Variants in ADGRB1 observed in about 807,000 individuals in gnomAD.
ADGRB1 encodes the protein brain-specific angiogenesis inhibitor 1.
ADGRB1 carries 36 observed loss-of-function variants against 175.7 expected under a neutral mutation model. That is an observed-to-expected ratio of 0.20 (90% CI 0.16 to 0.27). ADGRB1 has a LOEUF of 0.27. Among genes scored for constraint, ADGRB1 ranks in the 10% least tolerant of loss-of-function variants. The pLI is 1.00. For synonymous variants in ADGRB1, 1,054 were observed against 979.4 expected (o/e 1.08, Z -1.42); for missense variants, 1,731 against 2,255.3 (o/e 0.77, Z 4.71).
Position 142,477,474 on chromosome 8 carries a change from C to T in ADGRB1, c.1312C>T (p.Pro438Ser). 1.9e-6 allele frequency: 3 copies of T among 1,612,704 alleles called. No homozygotes were observed. The highest frequency in any genetic ancestry group is 2.5e-6 in the Non-Finnish European group (3 of 1,179,784). ...GFRDRTRTCR[P>S]PQFGGNPCEG... ...TCGGGATCGCACGCGCACCTGCAGG[C>T]CCCCCCAGTTTGGGGGCAACCCCTG... Residue 438 changes from proline to serine, a missense_variant, in exon 6 of 31, where the codon CCC becomes TCC. Coordinates refer to ENST00000517894, the MANE Select transcript of ADGRB1 (RefSeq NM_001702.3).
intron 13 of ADGRB1, among the ~76,000 whole-genome samples, chr8:142,487,480 G>A (rs1841730446): frequency 1.3e-5 from 2 of 152,094 alleles, no homozygotes; most frequent in Admixed American, 6.5e-5. Flanking sequence ...CCCTGTTCTC[G>A]GGCATCCGTG....
Position 142,493,369 on chromosome 8 carries a change from G to T in ADGRB1, c.2675+2554G>T, listed in dbSNP as rs1438311286. Among the ~76,000 whole-genome samples the T allele has an allele frequency of 6.6e-6, 1 of 152,078 alleles. No individual in the cohort carries two copies. Among genetic ancestry groups the T allele is most frequent in the Admixed American group, 6.5e-5 (1 of 15,288 alleles). On this transcript the variant is annotated intron_variant, in intron 17 of 30. Coordinates refer to ENST00000517894, the MANE Select transcript of ADGRB1 (RefSeq NM_001702.3). The surrounding 1 kb of genome is among the most constrained non-coding windows in gnomAD (Gnocchi z 5.0). ...TTTTAGGCAGGGGCGGGGGCAGCAGGACGGCGGTCAAGTCCCCAGGGTGTT... is the reference window on the plus strand; with the variant it reads ...TTTTAGGCAGGGGCGGGGGCAGCAGTACGGCGGTCAAGTCCCCAGGGTGTT...
chr8:142,506,268 G>A (rs922067003), intron 17 of ADGRB1, among the ~76,000 whole-genome samples: 6 of 152,220 alleles, frequency 3.9e-5, no homozygotes, highest in African/African-American at 1.2e-4. Context: ...CCTGTCATGG[G>A]GCCCTATCTA....
chr8:142,539,606 C>G, intron 27 of ADGRB1, 193 bp downstream of exon 27: 1 of 662,622 alleles, frequency 1.5e-6, no homozygotes, highest in South Asian at 1.9e-5. Flanking sequence ...CCACCCCCGT[C>G]CACTTCCTGA....
intron 1 of ADGRB1, among the ~76,000 whole-genome samples, chr8:142,452,975 T>A (rs991519502): frequency 1.4e-5 from 2 of 147,768 alleles, no homozygotes; most frequent in Non-Finnish European, 3.0e-5. Context: ...CCTCCGCGCC[T>A]GGCCCGCGGC....
At chr8:142,481,429 C>T in intron 10 of ADGRB1, 69 bp downstream of exon 10, 2 of 1,592,858 alleles carry the variant, frequency 1.3e-6, no homozygotes, top group Non-Finnish European at 1.7e-6. Flanking sequence ...TGGGACCCTG[C>T]AGAGGGTCCT....
At chr8:142,505,661 G>A (rs1473556594) in intron 17 of ADGRB1, among the ~76,000 whole-genome samples, 1 of 152,206 alleles carries the variant, frequency 6.6e-6, no homozygotes, top group African/African-American at 2.4e-5. Flanking sequence ...AGTCCCTGCG[G>A]GCCCTGGGAG....
intron 27 of ADGRB1, 144 bp from the exon 28 acceptor site, chr8:142,541,797 A>G (rs1255851927): frequency 2.0e-5 from 18 of 879,760 alleles, no homozygotes; most frequent in Non-Finnish European, 3.0e-5. Context: ...TGGCCCTCCG[A>G]TCGGTACCCA....
chr8:142,520,680 A>G, intron 19 of ADGRB1, 143 bp from the exon 20 acceptor site: 1 of 629,924 alleles, frequency 1.6e-6, no homozygotes, highest in South Asian at 1.5e-5. Context: ...GGTGGCGGTG[A>G]TGATGGTCAT....
Position 142,477,095 on chromosome 8 carries a change from G to T in ADGRB1, c.1058-19G>T. ...GCCCCATGGGCGGCAGGCCTGTGACGCTGTAGTGGGGCCTGCAGGTGACCC... is the reference window on the plus strand; with the variant it reads ...GCCCCATGGGCGGCAGGCCTGTGACTCTGTAGTGGGGCCTGCAGGTGACCC... On this transcript the variant is annotated intron_variant, in intron 4 of 30. Coordinates refer to ENST00000517894, the MANE Select transcript of ADGRB1 (RefSeq NM_001702.3). The T allele has an allele frequency of 6.5e-7, 1 of 1,533,622 alleles. No individual in the cohort carries two copies. Among genetic ancestry groups the T allele is most frequent in the South Asian group, 1.2e-5 (1 of 82,390 alleles).
chr8:142,485,588 T>A (rs1018246758), intron 13 of ADGRB1, among the ~76,000 whole-genome samples: 8 of 152,240 alleles, frequency 5.3e-5, no homozygotes, highest in Admixed American at 6.5e-5. Flanking sequence ...GTGGGGATGC[T>A]TCACCTTTAG....
chr8:142,510,916 T>TCC lies in ADGRB1; in HGVS notation c.2676-14_2676-13dup, dbSNP rs1563726141. 11 of 969,736 alleles carry TCC rather than the reference T, an allele frequency of 1.1e-5. No homozygotes were observed. The highest frequency in any genetic ancestry group is 6.8e-5 in the East Asian group (1 of 14,766). 60.1% of individuals were successfully genotyped at this position (969,736 alleles called of 1,614,324 possible). A position where few individuals can be genotyped will look rare whatever the true frequency, so the allele number is the denominator to read the frequency against. ...ACGCTCCGCCTGTCTCCCTCCCGTG[T>TCC]CCCGCCCGCCCCCAGACCCTCCTCC... is the stretch of plus-strand genomic sequence containing the variant. On this transcript the variant is annotated splice_polypyrimidine_tract_variant and intron_variant, in intron 17 of 30. Transcript: ENST00000517894. The surrounding 1 kb of genome is among the most constrained non-coding windows in gnomAD (Gnocchi z 6.3).
At chr8:142,459,543 C>T (rs1026669801) in intron 1 of ADGRB1, among the ~76,000 whole-genome samples, 1 of 152,190 alleles carries the variant, frequency 6.6e-6, no homozygotes. Flanking sequence ...CTCCCAGCCC[C>T]GTCTCTGTCC....
In ADGRB1 at chr8:142,518,156, C is replaced by T. The variant is rs752181944; in HGVS notation, c.2836C>T (p.Leu946=). The T allele has an allele frequency of 1.9e-5, 31 of 1,613,636 alleles. No homozygotes were observed. The highest frequency in any genetic ancestry group is 1.6e-4 in the Middle Eastern group (1 of 6,084). Residue 946 remains leucine (L), a synonymous_variant, in exon 19 of 31, where the codon CTG becomes TTG. Transcript: ENST00000517894. ...CCCACAGAACATGGAGAAGGCGACT[C>T]TGCCGTCGGTGACGCTCATCGTGGG... ...SADANMEKAT[L]PSVTLIVGCG... is the part of the protein sequence containing the mutation.
chr8:142,490,171 C>G (rs998992166), intron 16 of ADGRB1, among the ~76,000 whole-genome samples: 3 of 152,198 alleles, frequency 2.0e-5, no homozygotes, highest in Non-Finnish European at 4.4e-5. Flanking sequence ...GAGAGTTGTT[C>G]AGCCTCTCCG....
chr8:142,526,520 C>T (rs1294337701), intron 23 of ADGRB1, 22 bp from the exon 24 acceptor site: 2 of 1,530,606 alleles, frequency 1.3e-6, no homozygotes, highest in East Asian at 2.4e-5. Context: ...CCCCCACACC[C>T]CCACCACTCT....
chr8:142,474,675 C>T lies in ADGRB1; in HGVS notation c.785-799C>T, dbSNP rs1421165305. On this transcript the variant is annotated intron_variant, in intron 2 of 30. Transcript: ENST00000517894. The surrounding 1 kb of genome is among the most constrained non-coding windows in gnomAD (Gnocchi z 5.8). ...CCCCCGGGAGCAGAGACTCCTGGGG[C>T]GTGAGGTCTGGTTTGCTAGGGGAAC... is the stretch of plus-strand genomic sequence containing the variant. Among the ~76,000 whole-genome samples, 1 of 152,084 alleles carries T rather than the reference C, an allele frequency of 6.6e-6. No homozygotes were observed. The highest frequency in any genetic ancestry group is 6.5e-5 in the Admixed American group (1 of 15,280).
In ADGRB1 at chr8:142,481,724, A is replaced by T; in HGVS notation, c.2130+13A>T. The T allele has an allele frequency of 1.3e-6, 2 of 1,532,576 alleles. No homozygotes were observed. Among genetic ancestry groups the T allele is most frequent in the Non-Finnish European group, 1.8e-6 (2 of 1,135,026 alleles). 94.9% of individuals were successfully genotyped at this position (1,532,576 alleles called of 1,614,324 possible). On this transcript the variant is annotated intron_variant, in intron 11 of 30. Coordinates refer to ENST00000517894, the MANE Select transcript of ADGRB1 (RefSeq NM_001702.3). ...TGGGGACGTACAGGTGGGCTCCCCG[A>T]GCGGCATTTTGGAAGAGGGTGTCGG...
At chr8:142,469,351 GTC>G (rs1359245987) in intron 2 of ADGRB1, among the ~76,000 whole-genome samples, 3 of 151,608 alleles carry the variant, frequency 2.0e-5, no homozygotes, top group East Asian at 1.9e-4. Context: ...ATGTGGGAGT[GTC>G]TATGTGCACG....
Sources: allele counts gnomAD v4.1 joint callset (sites outside exome capture counted in the v4.1 genomes callset), GRCh38; gene constraint gnomAD v4.1.1; non-coding constraint Gnocchi (gnomAD v3.1); transcripts MANE v1.5; gene names NCBI Gene and HGNC (gene_info 2026-07-23, HGNC 2026-07-21).